The following INSYN2B variants were observed in gnomAD, a reference collection of about 807,000 sequenced individuals.
INSYN2B encodes the protein protein INSYN2B.
A neutral mutation model predicts 41.2 loss-of-function variants in INSYN2B; 16 were observed. That is an observed-to-expected ratio of 0.39 (90% CI 0.26 to 0.59). The LOEUF (loss-of-function observed/expected upper bound fraction) is 0.59, where lower values mean the gene tolerates loss of function less well. INSYN2B is among the 20% of genes least tolerant of loss of function. The pLI is 0.57. For synonymous variants in INSYN2B, 245 were observed against 244.4 expected (o/e 1.00, Z -0.02); for missense variants, 608 against 646.4 (o/e 0.94, Z 0.64).
chr5:169,873,493 A>G (rs1262196506), intron 3 of INSYN2B, among the ~76,000 whole-genome samples: 2 of 152,242 alleles, frequency 1.3e-5, no homozygotes, highest in East Asian at 3.8e-4. Flanking sequence ...TGTGATTACT[A>G]GAATAACAGA....
chr5:169,925,555 G>A (rs894616220), intron 1 of INSYN2B, among the ~76,000 whole-genome samples: 30 of 144,828 alleles, frequency 2.1e-4, no homozygotes, highest in Admixed American at 1.7e-3. Context: ...ACTCCAGCCT[G>A]GGCGACAGAG....
At chr5:169,900,972 G>A (rs954240656) in intron 1 of INSYN2B, among the ~76,000 whole-genome samples, 1 of 152,112 alleles carries the variant, frequency 6.6e-6, no homozygotes, top group African/African-American at 2.4e-5. Flanking sequence ...GTCTATTTTG[G>A]AACTTAGTTA....
chr5:169,884,069 A>G lies in INSYN2B; in HGVS notation c.-171T>C, dbSNP rs1772831750. On this transcript the variant is annotated 5_prime_UTR_variant, in exon 2 of 4. Coordinates refer to ENST00000377365, the MANE Select transcript of INSYN2B (RefSeq NM_001129891.3). ...ATCCTGTTGGCCATTCCCAGCCTCT[A>G]GAGTCTACGTAGGAACTATCTGTAA... 1 of 511,446 alleles carries G rather than the reference A, an allele frequency of 2.0e-6. No homozygotes were observed. Among genetic ancestry groups the G allele is most frequent in the Non-Finnish European group, 3.3e-6 (1 of 301,264 alleles). The allele number at this position is 511,446 out of a possible 1,614,324, so 31.7% of individuals were successfully genotyped here.
chr5:169,949,865 A>G (rs2113722850), intron 1 of INSYN2B, among the ~76,000 whole-genome samples: 1 of 152,014 alleles, frequency 6.6e-6, no homozygotes, highest in Non-Finnish European at 1.5e-5. Flanking sequence ...GCAAATGCAA[A>G]TAGACTCTTC....
intron 1 of INSYN2B, among the ~76,000 whole-genome samples, chr5:169,911,202 A>G (rs931577807): frequency 6.6e-6 from 1 of 152,198 alleles, no homozygotes; most frequent in Non-Finnish European, 1.5e-5. Flanking sequence ...CAGGTCAGGT[A>G]TGTGCTGTGC....
chr5:169,977,248 A>G (rs1777748433), intron 1 of INSYN2B, among the ~76,000 whole-genome samples: 1 of 152,188 alleles, frequency 6.6e-6, no homozygotes, highest in South Asian at 2.1e-4. Context: ...AACCAAAAGC[A>G]TGTTCAGCGG....
chr5:169,918,609 G>T (rs532710867), intron 1 of INSYN2B, among the ~76,000 whole-genome samples: 5 of 152,294 alleles, frequency 3.3e-5, no homozygotes, highest in African/African-American at 9.6e-5. Context: ...TACTGTTTAG[G>T]TTACTTTAAA....
intron 1 of INSYN2B, among the ~76,000 whole-genome samples, chr5:169,968,015 A>AGC (rs2113758544): frequency 6.6e-6 from 1 of 152,300 alleles, no homozygotes; most frequent in African/African-American, 2.4e-5. Flanking sequence ...TGTTAATATG[A>AGC]GCTGCCCATG....
intron 1 of INSYN2B, among the ~76,000 whole-genome samples, chr5:169,906,321 A>G (rs939075889): frequency 6.6e-6 from 1 of 152,208 alleles, no homozygotes; most frequent in African/African-American, 2.4e-5. Flanking sequence ...AAAGGCTCCC[A>G]AGCCAGTGTG....
chr5:169,910,891 A>T (rs1774558461), intron 1 of INSYN2B, among the ~76,000 whole-genome samples: 1 of 152,136 alleles, frequency 6.6e-6, no homozygotes. Flanking sequence ...GGGGTTGGTT[A>T]ACCATTTGTC....
chr5:169,946,688 T>C (rs1287714511), intron 1 of INSYN2B, among the ~76,000 whole-genome samples: 2 of 152,304 alleles, frequency 1.3e-5, no homozygotes, highest in South Asian at 2.1e-4. Context: ...TACGTTCTAA[T>C]GGGGTGGGGA....
At chr5:169,903,562 G>T (rs1463279331) in intron 1 of INSYN2B, among the ~76,000 whole-genome samples, 6 of 151,982 alleles carry the variant, frequency 3.9e-5, no homozygotes, top group African/African-American at 1.4e-4. Context: ...GGGCACAAGT[G>T]GGGAGATGGG....
chr5:169,887,179 T>A (rs1773020688), intron 1 of INSYN2B, among the ~76,000 whole-genome samples: 1 of 152,152 alleles, frequency 6.6e-6, no homozygotes, highest in African/African-American at 2.4e-5. Context: ...GCAAGCAGGT[T>A]TCAAACTCCC....
intron 1 of INSYN2B, among the ~76,000 whole-genome samples, chr5:169,893,214 T>G (rs1465125510): frequency 1.3e-5 from 2 of 152,212 alleles, no homozygotes; most frequent in African/African-American, 2.4e-5. Flanking sequence ...CTGTGGTACA[T>G]TCACCCCTCT....
chr5:169,881,429 G>A lies in INSYN2B; in HGVS notation c.1360C>T (p.Arg454Ter). 1.9e-6 allele frequency: 3 copies of A among 1,551,458 alleles called. No individual in the cohort carries two copies. The highest frequency in any genetic ancestry group is 1.7e-6 in the Non-Finnish European group (2 of 1,146,822). Residue 454 changes from arginine to a stop codon, truncating the protein, a stop_gained, in exon 3 of 4, where the codon CGA (arginine) becomes TGA (stop). Transcript: ENST00000377365. LOFTEE classifies it high-confidence loss of function. ...RALTEGRNFY[R>*]TGQDLNNCST... ...CAATTGTTGAGATCTTGGCCAGTTCGATAAAAGTTGCGCCTGCAAGACAGA... is the reference window on the plus strand; with the variant it reads ...CAATTGTTGAGATCTTGGCCAGTTCAATAAAAGTTGCGCCTGCAAGACAGA...
chr5:169,866,598 T>C, intron 3 of INSYN2B, among the ~76,000 whole-genome samples: 1 of 152,152 alleles, frequency 6.6e-6, no homozygotes, highest in Non-Finnish European at 1.5e-5. Flanking sequence ...GCAGACAATC[T>C]CCCTGGCCTC....
At chr5:169,951,680 A>G (rs906450554) in intron 1 of INSYN2B, among the ~76,000 whole-genome samples, 3 of 152,260 alleles carry the variant, frequency 2.0e-5, no homozygotes, top group Admixed American at 1.3e-4. Context: ...TAATAATGGT[A>G]TAATTTTGAG....
intron 3 of INSYN2B, among the ~76,000 whole-genome samples, chr5:169,868,890 A>G (rs1386116152): frequency 6.6e-6 from 1 of 152,156 alleles, no homozygotes; most frequent in Non-Finnish European, 1.5e-5. Flanking sequence ...CCAGCCCAAC[A>G]TAGAGGATGG....
At chr5:169,944,940 C>T (rs1405302601) in intron 1 of INSYN2B, among the ~76,000 whole-genome samples, 1 of 152,202 alleles carries the variant, frequency 6.6e-6, no homozygotes, top group Non-Finnish European at 1.5e-5. Flanking sequence ...TAACTTCTTT[C>T]TCCCTTCAGA....
Sources: gnomAD v4.1 joint callset for allele counts (sites outside exome capture counted in the v4.1 genomes callset) on GRCh38, gnomAD v4.1.1 for gene constraint, MANE v1.5 for transcripts, NCBI Gene and HGNC (gene_info 2026-07-23, HGNC 2026-07-21) for gene names.